Variants in SYT1 observed in about 807,000 individuals in gnomAD.
SYT1 encodes the protein synaptotagmin 1.
Under a neutral mutation model 44.8 loss-of-function variants are expected in SYT1, and 8 were observed. The ratio of observed to expected loss-of-function variants is 0.18; its 90% CI spans 0.10 to 0.32. SYT1 has a LOEUF of 0.32. Among genes scored for constraint, SYT1 ranks in the 10% least tolerant of loss-of-function variants. The pLI, the probability that SYT1 is intolerant of heterozygous loss-of-function variation, is 1.00. For synonymous variants in SYT1, 154 were observed against 188.8 expected (o/e 0.82, Z 1.51); for missense variants, 286 against 509.3 (o/e 0.56, Z 4.22).
intron 9 of SYT1, among the ~76,000 whole-genome samples, chr12:79,414,278 G>A (rs778047400): frequency 6.6e-6 from 1 of 152,188 alleles, no homozygotes; most frequent in Non-Finnish European, 1.5e-5. Flanking sequence ...GTGCCTACCA[G>A]GAAGACAAGT....
intron 1 of SYT1, among the ~76,000 whole-genome samples, chr12:78,902,370 A>G (rs1875714927): frequency 2.6e-5 from 4 of 152,140 alleles, no homozygotes; most frequent in Admixed American, 2.6e-4. Context: ...CATATAGAGT[A>G]GTAAAAACAT....
chr12:79,193,865 G>A (rs1229636126), intron 3 of SYT1, among the ~76,000 whole-genome samples: 5 of 151,936 alleles, frequency 3.3e-5, no homozygotes, highest in Non-Finnish European at 5.9e-5. Context: ...ACTTTGTATT[G>A]TTTTATTTTT....
At position 78,993,695 on chromosome 12, in the gene SYT1, TGATACTTTGGTTTTTTG is replaced by T. The variant is rs572260990; in HGVS notation, c.-84+15766_-84+15782del. Among the ~76,000 whole-genome samples the T allele has an allele frequency of 3.3e-5, 5 of 152,358 alleles. No homozygotes were observed. In the South Asian group the frequency reaches 1.0e-3, roughly 32 times the overall value. On this transcript the variant is annotated intron_variant, in intron 2 of 10. Coordinates refer to ENST00000261205, the MANE Select transcript of SYT1 (RefSeq NM_005639.3). ...ATTTACATGAACCATATGAAATTGCTGATACTTTGGTTTTTTGGCCTATAAAAATGATGATTTCATAT... is the reference window on the plus strand; with the variant it reads ...ATTTACATGAACCATATGAAATTGCTGCCTATAAAAATGATGATTTCATAT...
chr12:79,232,037 G>T (rs550866600), intron 4 of SYT1, among the ~76,000 whole-genome samples: 91 of 152,284 alleles, frequency 6.0e-4, no homozygotes, highest in African/African-American at 2.1e-3. Flanking sequence ...ACCATTACTA[G>T]TGTGTGACCT....
At chr12:78,970,931 C>T (rs564179746) in intron 1 of SYT1, among the ~76,000 whole-genome samples, 1 of 152,198 alleles carries the variant, frequency 6.6e-6, no homozygotes, top group African/African-American at 2.4e-5. Context: ...GGTGGATCAC[C>T]TGAGGTCAAG....
chr12:78,908,272 T>C (rs535393469), intron 1 of SYT1, among the ~76,000 whole-genome samples: 5 of 152,076 alleles, frequency 3.3e-5, no homozygotes, highest in South Asian at 4.1e-4. Flanking sequence ...CAACTAATAT[T>C]CATGGAATTT....
intron 4 of SYT1, among the ~76,000 whole-genome samples, chr12:79,251,954 A>G (rs1877236594): frequency 6.6e-6 from 1 of 150,786 alleles, no homozygotes. Context: ...GTAGTTGAAT[A>G]TATGTTTTTC....
chr12:79,056,815 T>G (rs1041768802), intron 3 of SYT1, among the ~76,000 whole-genome samples: 1 of 152,068 alleles, frequency 6.6e-6, no homozygotes, highest in African/African-American at 2.4e-5. Context: ...GTTGCTTATT[T>G]TGCTGCATTT....
intron 3 of SYT1, among the ~76,000 whole-genome samples, chr12:79,179,947 AT>A (rs1872416914): frequency 1.3e-5 from 2 of 152,064 alleles, no homozygotes; most frequent in South Asian, 4.1e-4. Context: ...TTATGGATCT[AT>A]CAGAATTTAC....
rs541983281 is a variant in SYT1 at position 79,066,439 on chromosome 12, A to C, written c.-18+19077A>C. On this transcript the variant is annotated intron_variant, in intron 3 of 10. Coordinates refer to ENST00000261205, the MANE Select transcript of SYT1 (RefSeq NM_005639.3). ...AGAAAATCTTAAACTTACAATTTTT[A>C]TGCCTCTGATTAACATTAAGCATCA... Among the ~76,000 whole-genome samples, 13 of 150,906 alleles carry C rather than the reference A, an allele frequency of 8.6e-5. 1 individual carries two copies. In the South Asian group the frequency reaches 2.6e-3, roughly 30 times the overall value.
chr12:78,947,798 A>T (rs989908633), intron 1 of SYT1, among the ~76,000 whole-genome samples: 5 of 149,068 alleles, frequency 3.4e-5, no homozygotes, highest in African/African-American at 1.2e-4. Flanking sequence ...GGGATTGTTT[A>T]AAAAAAAAAG....
chr12:78,879,499 T>C (rs889131063), intron 1 of SYT1, among the ~76,000 whole-genome samples: 1 of 151,758 alleles, frequency 6.6e-6, no homozygotes, highest in Non-Finnish European at 1.5e-5. Context: ...TTCATCAACA[T>C]ATGTAGTCCT....
At chr12:79,293,385 TAAAATAAAATAAAATAAAATAAAA>T (rs1565894578) in intron 6 of SYT1, among the ~76,000 whole-genome samples, 17 of 79,122 alleles carry the variant, frequency 2.1e-4, no homozygotes, top group African/African-American at 5.7e-4. Flanking sequence ...TAAAATAAAA[TAAAATAAAATAAAATAAAATAAAA>T]TTAAAAAATC....
intron 2 of SYT1, among the ~76,000 whole-genome samples, chr12:79,008,490 A>G (rs1018721014): frequency 8.5e-5 from 13 of 152,138 alleles, no homozygotes; most frequent in African/African-American, 2.9e-4. Flanking sequence ...TACTCTGGCT[A>G]TTGGGTAGCA....
chr12:79,033,115 T>G (rs145896111), intron 2 of SYT1, among the ~76,000 whole-genome samples: 43 of 151,490 alleles, frequency 2.8e-4, no homozygotes, highest in African/African-American at 9.2e-4. Context: ...GCCATTCACA[T>G]TAGACACCTA....
At chr12:78,927,470 G>A (rs748588641) in intron 1 of SYT1, among the ~76,000 whole-genome samples, 7 of 151,932 alleles carry the variant, frequency 4.6e-5, no homozygotes, top group African/African-American at 1.7e-4. Flanking sequence ...TGTGTCTTCC[G>A]TGCGTTATGA....
chr12:78,963,291 T>C (rs1267164492), intron 1 of SYT1, among the ~76,000 whole-genome samples: 1 of 151,970 alleles, frequency 6.6e-6, no homozygotes, highest in Non-Finnish European at 1.5e-5. Flanking sequence ...GAAAATAAAA[T>C]TACGGGCAAC....
At chr12:79,075,878 T>G (rs1471881757) in intron 3 of SYT1, among the ~76,000 whole-genome samples, 1 of 152,150 alleles carries the variant, frequency 6.6e-6, no homozygotes, top group Non-Finnish European at 1.5e-5. Context: ...GAATATATAT[T>G]AGATGATTAT....
intron 3 of SYT1, among the ~76,000 whole-genome samples, chr12:79,151,137 G>A (rs1870247841): frequency 1.3e-5 from 2 of 152,146 alleles, no homozygotes; most frequent in Admixed American, 1.3e-4. Context: ...AAGATGGGGT[G>A]ATAAACCTAT....
Sources: gnomAD v4.1 joint callset for allele counts (sites outside exome capture counted in the v4.1 genomes callset) on GRCh38, gnomAD v4.1.1 for gene constraint, MANE v1.5 for transcripts, NCBI Gene and HGNC (gene_info 2026-07-23, HGNC 2026-07-21) for gene names.